Variants in RPTOR observed in about 807,000 individuals in gnomAD.
The protein encoded by RPTOR is regulatory associated protein of MTOR complex 1.
RPTOR carries 21 observed loss-of-function variants against 169.9 expected under a neutral mutation model. The ratio of observed to expected loss-of-function variants is 0.12; its 90% CI spans 0.09 to 0.18. The LOEUF (loss-of-function observed/expected upper bound fraction) is 0.18, where lower values mean the gene tolerates loss of function less well. Among genes scored for constraint, RPTOR ranks in the 10% least tolerant of loss-of-function variants. The pLI is 1.00. For synonymous variants in RPTOR, 732 were observed against 753.2 expected (o/e 0.97, Z 0.46); for missense variants, 1,133 against 1,855.9 (o/e 0.61, Z 7.16).
intron 10 of RPTOR, among the ~76,000 whole-genome samples, chr17:80,842,112 T>C (rs2067677358): frequency 2.0e-5 from 3 of 152,108 alleles, no homozygotes; most frequent in African/African-American, 7.2e-5. Context: ...TGTCCCAACA[T>C]TCATGTGTCC....
At chr17:80,872,360 A>G (rs2068060862) in intron 13 of RPTOR, among the ~76,000 whole-genome samples, 2 of 152,152 alleles carry the variant, frequency 1.3e-5, no homozygotes, top group Admixed American at 6.5e-5. Context: ...GCAGATTCCA[A>G]CACACCCTCA....
chr17:80,794,588 G>T (rs1363569642), intron 7 of RPTOR, among the ~76,000 whole-genome samples: 1 of 152,166 alleles, frequency 6.6e-6, no homozygotes, highest in Non-Finnish European at 1.5e-5. Flanking sequence ...GGAAATCTTA[G>T]GATCACACAA....
chr17:80,864,676 G>C (rs531173472), intron 13 of RPTOR, among the ~76,000 whole-genome samples: 2 of 152,346 alleles, frequency 1.3e-5, no homozygotes, highest in African/African-American at 2.4e-5. Context: ...ACTCTTCAGA[G>C]GGAAACACGG....
intron 3 of RPTOR, among the ~76,000 whole-genome samples, chr17:80,697,457 C>A (rs2066046503): frequency 6.6e-6 from 1 of 152,208 alleles, no homozygotes. Context: ...GGGACCTGCC[C>A]CTGTCTGCCT....
chr17:80,965,778 G>C lies in RPTOR; in HGVS notation c.*1448G>C. The C allele has an allele frequency of 4.3e-6, 1 of 233,422 alleles. No homozygotes were observed. Among genetic ancestry groups the C allele is most frequent in the Non-Finnish European group, 8.5e-6 (1 of 118,128 alleles). The allele number at this position is 233,422 out of a possible 1,614,324, so 14.5% of individuals were successfully genotyped here. On this transcript the variant is annotated 3_prime_UTR_variant, in exon 34 of 34. Transcript: ENST00000306801. ...GGGGGCTGAGCTGGAGACTGAGCTG[G>C]GGCTGGCCGGGACGTGACAAGGCAG...
intron 21 of RPTOR, among the ~76,000 whole-genome samples, chr17:80,912,452 C>T (rs1289502778): frequency 6.6e-6 from 1 of 152,134 alleles, no homozygotes; most frequent in East Asian, 1.9e-4. Context: ...TGTATTTAAC[C>T]TTACTGAAAA....
At chr17:80,749,714 C>CT (rs1315744877) in intron 5 of RPTOR, among the ~76,000 whole-genome samples, 1 of 152,074 alleles carries the variant, frequency 6.6e-6, no homozygotes, top group South Asian at 2.1e-4. Context: ...ATTTTGGGGG[C>CT]TTTTTTTGTT....
rs149979706 is a variant in RPTOR, at chr17:80,826,190, C to G, written c.1136+2967C>G. 8.8e-3 allele frequency among the ~76,000 whole-genome samples: 1,340 copies of G among 152,266 alleles called. 4 individuals carry two copies. The highest frequency in any genetic ancestry group is 0.015 in the Admixed American group (230 of 15,304). On this transcript the variant is annotated intron_variant, in intron 9 of 33. Coordinates refer to ENST00000306801, the MANE Select transcript of RPTOR (RefSeq NM_020761.3). ...CCTTGATCCTGAAGGGGATCCCGGCCCCTCCCTCACAGTGTCTTGCTGTAA... is the reference window on the plus strand; with the variant it reads ...CCTTGATCCTGAAGGGGATCCCGGCGCCTCCCTCACAGTGTCTTGCTGTAA...
Position 80,746,076 on chromosome 17 carries a change from C to T in RPTOR, c.655-7934C>T, listed in dbSNP as rs765024845. Among the ~76,000 whole-genome samples, 48 of 152,000 alleles carry T rather than the reference C, an allele frequency of 3.2e-4. No homozygotes were observed. Among genetic ancestry groups the T allele is most frequent in the Non-Finnish European group, 3.2e-4 (22 of 67,962 alleles). Reference sequence around the variant, plus strand: ...ACTTGAGAGGCTGAGGCGGGAGAATCGCTTGAACCCAGGAGGTGGAGGTTG... The same window carrying T: ...ACTTGAGAGGCTGAGGCGGGAGAATTGCTTGAACCCAGGAGGTGGAGGTTG... On this transcript the variant is annotated intron_variant, in intron 5 of 33. Transcript: ENST00000306801. This position sits in a 1 kb window ranked among gnomAD's most constrained non-coding sequence, Gnocchi z 4.5.
chr17:80,567,296 T>A (rs926885939), intron 1 of RPTOR, among the ~76,000 whole-genome samples: 2 of 152,046 alleles, frequency 1.3e-5, no homozygotes, highest in Admixed American at 6.6e-5. Context: ...TATTTTATTT[T>A]TTTTTTTGGT....
intron 1 of RPTOR, among the ~76,000 whole-genome samples, chr17:80,579,946 T>C (rs1599570782): frequency 6.6e-6 from 1 of 152,192 alleles, no homozygotes; most frequent in Non-Finnish European, 1.5e-5. Context: ...CAGCACGGCA[T>C]CTATCATGGG....
intron 3 of RPTOR, among the ~76,000 whole-genome samples, chr17:80,671,714 C>T (rs1188103338): frequency 1.3e-5 from 2 of 152,200 alleles, no homozygotes; most frequent in South Asian, 2.1e-4. Flanking sequence ...CATCTGCAGC[C>T]TTCCTTTTCT....
Position 80,960,068 on chromosome 17 carries a change from T to C in RPTOR, c.3478-10T>C. The C allele has an allele frequency of 1.2e-6, 2 of 1,613,092 alleles. No homozygotes were observed. The highest frequency in any genetic ancestry group is 1.7e-6 in the Non-Finnish European group (2 of 1,179,640). On this transcript the variant is annotated splice_polypyrimidine_tract_variant and intron_variant, in intron 29 of 33. Coordinates refer to ENST00000306801, the MANE Select transcript of RPTOR (RefSeq NM_020761.3). This position sits in a 1 kb window ranked among gnomAD's most constrained non-coding sequence, Gnocchi z 4.8. ...CCGGTCTTCACCGGGCTGCCTGTGT[T>C]TGGCTCTAGGACATCCCTACGGGCG... is the stretch of plus-strand genomic sequence containing the variant.
chr17:80,962,615 C>A, intron 32 of RPTOR, 38 bp downstream of exon 32: 2 of 1,545,516 alleles, frequency 1.3e-6, no homozygotes, highest in Non-Finnish European at 1.8e-6. Flanking sequence ...CACCGCTCAC[C>A]CGCCTCGGGC....
At chr17:80,744,097 T>TACTAGCACTGTCCTGGC (rs2066529875) in intron 5 of RPTOR, among the ~76,000 whole-genome samples, 2 of 39,396 alleles carry the variant, frequency 5.1e-5, no homozygotes, top group African/African-American at 9.9e-5. Context: ...ACAGCCCTGG[T>TACTAGCACTGTCCTGGC]TACTAGCACA....
At chr17:80,631,540 G>A (rs1010944976) in intron 2 of RPTOR, among the ~76,000 whole-genome samples, 3 of 152,174 alleles carry the variant, frequency 2.0e-5, no homozygotes, top group East Asian at 1.9e-4. Flanking sequence ...GGGCCTGTGG[G>A]ATTCGGTTTG....
chr17:80,700,502 A>ATGATGG (rs1470419713), intron 3 of RPTOR, among the ~76,000 whole-genome samples: 1 of 100,906 alleles, frequency 9.9e-6, no homozygotes, highest in Non-Finnish European at 2.1e-5. Context: ...GATGGTAGAG[A>ATGATGG]TGATGGTGAT....
At chr17:80,692,447 A>G (rs1262123318) in intron 3 of RPTOR, among the ~76,000 whole-genome samples, 2 of 152,070 alleles carry the variant, frequency 1.3e-5, no homozygotes, top group Non-Finnish European at 2.9e-5. Context: ...TCAGCCTCCC[A>G]AGTAGCTGGG....
intron 24 of RPTOR, among the ~76,000 whole-genome samples, chr17:80,938,791 G>T (rs2068986735): frequency 6.6e-6 from 1 of 152,178 alleles, no homozygotes; most frequent in Admixed American, 6.5e-5. Context: ...ATGAGCACGG[G>T]GTCAGACATG....
Sources: allele counts gnomAD v4.1 joint callset (sites outside exome capture counted in the v4.1 genomes callset), GRCh38; gene constraint gnomAD v4.1.1; non-coding constraint Gnocchi (gnomAD v3.1); transcripts MANE v1.5; gene names NCBI Gene and HGNC (gene_info 2026-07-23, HGNC 2026-07-21).